The following EFHB variants were observed in gnomAD, a reference collection of about 807,000 sequenced individuals.
EFHB encodes EF-hand domain family member B.
In EFHB, 91 loss-of-function variants were observed where a neutral mutation model predicts 87.2. The ratio of observed to expected loss-of-function variants is 1.04; its 90% confidence interval spans 0.88 to 1.24. The LOEUF (loss-of-function observed/expected upper bound fraction) is 1.24, where lower values mean the gene tolerates loss of function less well. Among genes scored for constraint, EFHB ranks in the 50% most tolerant of loss-of-function variants. The pLI, the probability that EFHB is intolerant of heterozygous loss-of-function variation, is 0.00. For missense variants in EFHB, 1,084 were observed against 998.8 expected, an observed-to-expected ratio of 1.09 and a Z score of -1.15; for synonymous variants, 325 against 333.6, an observed-to-expected ratio of 0.97 and a Z score of 0.28.
chr3:19,916,916 A>C (rs147053840), intron 4 of EFHB, among the ~76,000 whole-genome samples: 2 of 152,334 alleles, frequency 1.3e-5, no homozygotes, highest in Non-Finnish European at 2.9e-5. Context: ...TTGATATATG[A>C]ACATTACACT....
intron 1 of EFHB, among the ~76,000 whole-genome samples, chr3:19,931,638 C>T (rs2125165856): frequency 6.6e-6 from 1 of 152,340 alleles, no homozygotes; most frequent in African/African-American, 2.4e-5. Context: ...TGTGGAATCT[C>T]TTACTCACAT....
At chr3:19,920,461 A>G (rs1449757486) in intron 2 of EFHB, 44 bp downstream of exon 2, 2 of 1,492,478 alleles carry the variant, frequency 1.3e-6, no homozygotes, top group East Asian at 2.4e-5. Context: ...ATGTTCACAT[A>G]GAAGGTAAAA....
intron 6 of EFHB, among the ~76,000 whole-genome samples, chr3:19,900,250 C>T (rs1694626894): frequency 6.7e-6 from 1 of 149,920 alleles, no homozygotes; most frequent in Non-Finnish European, 1.5e-5. Context: ...CCCATCTCTA[C>T]AAAAAATGAA....
chr3:19,898,919 T>C (rs1478149166), intron 7 of EFHB, 74 bp from the exon 8 acceptor site: 3 of 1,485,780 alleles, frequency 2.0e-6, no homozygotes, highest in Non-Finnish European at 2.8e-6. Context: ...ATGTTTGCCA[T>C]ATGTTCTTAG....
chr3:19,933,201 G>T (rs1367613369), intron 1 of EFHB, 29 bp downstream of exon 1: 15 of 1,591,152 alleles, frequency 9.4e-6, no homozygotes, highest in South Asian at 6.8e-5. Flanking sequence ...ACACAGTTTA[G>T]TTCCTATGGA....
At chr3:19,929,653 G>A (rs1163482130) in intron 1 of EFHB, among the ~76,000 whole-genome samples, 7 of 143,592 alleles carry the variant, frequency 4.9e-5, no homozygotes, top group East Asian at 2.0e-4. Context: ...AGATTGCAGC[G>A]AGCCGAGATG....
intron 6 of EFHB, among the ~76,000 whole-genome samples, chr3:19,904,367 C>CT (rs1415791118): frequency 2.0e-5 from 3 of 152,040 alleles, no homozygotes; most frequent in Non-Finnish European, 4.4e-5. Context: ...TCATTTCTTG[C>CT]TTTTTTTGTT....
At chr3:19,936,002 C>A (rs546782027), upstream of EFHB, 19 of 838,300 alleles carry the variant, frequency 2.3e-5, 1 homozygote, top group Non-Finnish European at 2.6e-5. Flanking sequence ...GAGTGAGACT[C>A]CATCTCAAAA....
Position 19,933,723 on chromosome 3 carries a change from C to A in EFHB, c.296G>T (p.Gly99Val), listed in dbSNP as rs17795400. ...LGVDSVSASQGTKPSLLPGRM... is the reference protein window; with the variant it reads ...LGVDSVSASQVTKPSLLPGRM... ...TCCTGGCAACAGAGAAGGTTTTGTTCCCTGTGAAGCTGAGACACTGTCGAC... is the reference window on the plus strand; with the variant it reads ...TCCTGGCAACAGAGAAGGTTTTGTTACCTGTGAAGCTGAGACACTGTCGAC... The change falls in exon 1 of 13, where the codon GGA (glycine) becomes GTA (valine). Residue 99 changes from glycine (G) to valine (V), a missense_variant. Transcript: ENST00000295824. 0.25 allele frequency: 401,164 copies of A among 1,613,710 alleles called. 51,712 individuals are homozygous for A. Among genetic ancestry groups the A allele is most frequent in the Middle Eastern group, 0.32 (1,920 of 6,062 alleles).
intron 6 of EFHB, among the ~76,000 whole-genome samples, chr3:19,902,334 T>C (rs894227057): frequency 1.3e-5 from 2 of 151,500 alleles, no homozygotes; most frequent in South Asian, 4.2e-4. Flanking sequence ...TAGATAGAGA[T>C]CGTTTTTGTT....
chr3:19,919,068 A>G (rs1233568372), intron 3 of EFHB, among the ~76,000 whole-genome samples: 1 of 152,082 alleles, frequency 6.6e-6, no homozygotes, highest in East Asian at 1.9e-4. Flanking sequence ...TATAGAGATC[A>G]GGTCTTCTGA....
chr3:19,939,543 C>A (rs1448274169), intron 1 of EFHB, among the ~76,000 whole-genome samples: 1 of 147,100 alleles, frequency 6.8e-6, no homozygotes, highest in Non-Finnish European at 1.5e-5. Context: ...CGCCACCACA[C>A]CCGGCTAATT....
intron 9 of EFHB, 37 bp from the exon 10 acceptor site, chr3:19,888,688 T>C (rs1694195843): frequency 4.5e-6 from 7 of 1,542,338 alleles, no homozygotes; most frequent in Non-Finnish European, 6.2e-6. Flanking sequence ...AAAATGGGAG[T>C]TGTCTTCAAG....
In EFHB at chr3:19,916,472, G is replaced by A. The variant is rs759771929; in HGVS notation, c.1178-1059C>T. ...AGAGGTTGCAGGGAGCCAAGATCAC[G>A]ACACTGCACTCCAGCCTGGGCAACA... On this transcript the variant is annotated intron_variant, in intron 4 of 12. Coordinates refer to ENST00000295824, the MANE Select transcript of EFHB (RefSeq NM_144715.4). Among the ~76,000 whole-genome samples the A allele has an allele frequency of 1.3e-4, 20 of 151,160 alleles. 1 individual carries two copies. The South Asian group carries it at 1.7e-3, about 13-fold the overall frequency.
intron 5 of EFHB, among the ~76,000 whole-genome samples, chr3:19,909,107 G>A (rs1287593688): frequency 6.9e-6 from 1 of 145,332 alleles, no homozygotes; most frequent in Non-Finnish European, 1.5e-5. Flanking sequence ...AAAATCAGGT[G>A]GGCAACTCAT....
rs1300250862 is a variant in EFHB at position 19,918,353 on chromosome 3, T to C, written c.1056A>G (p.Lys352=). 6.2e-7 allele frequency: 1 copy of C among 1,611,892 alleles called. No homozygotes were observed. The highest frequency in any genetic ancestry group is 1.7e-5 in the Admixed American group (1 of 59,704). The change falls in exon 4 of 13, where the codon AAA becomes AAG. Residue 352 remains lysine, a synonymous_variant. Transcript: ENST00000295824. Reference sequence around the variant, plus strand: ...GATTGCTAAGATATATAGATTCTTTTTTATCTTTAATTTTCTGTTGAAATG... The same window carrying C: ...GATTGCTAAGATATATAGATTCTTTCTTATCTTTAATTTTCTGTTGAAATG... The part of the protein sequence containing the change: ...ITTFQQKIKD[K]KESIYLSNRR...
At position 19,918,325 on chromosome 3, in the gene EFHB, G is replaced by C. The variant is rs1238909937; in HGVS notation, c.1084C>G (p.Arg362Gly). 6.2e-7 allele frequency: 1 copy of C among 1,612,966 alleles called. No homozygotes were observed. The highest frequency in any genetic ancestry group is 1.1e-5 in the South Asian group (1 of 90,936). The change falls in exon 4 of 13, where the codon CGA (arginine) becomes GGA (glycine). Residue 362 changes from arginine to glycine, a missense_variant. Coordinates refer to ENST00000295824, the MANE Select transcript of EFHB (RefSeq NM_144715.4). The stretch of plus-strand genomic sequence containing the variant: ...TCGTGAGATTTTCCTAATGGTGCTC[G>C]TCGATTGCTAAGATATATAGATTCT... ...KKESIYLSNRRAPLGKSHDQA... is the reference protein window; with the variant it reads ...KKESIYLSNRGAPLGKSHDQA...
At chr3:19,884,250 G>T in intron 11 of EFHB, 153 bp downstream of exon 11, 1 of 653,640 alleles carries the variant, frequency 1.5e-6, no homozygotes. Context: ...TTTATATGTG[G>T]GCCTCTCCTC....
Position 19,884,027 on chromosome 3 carries a change from A to G in EFHB, c.2146+376T>C, listed in dbSNP as rs183015573. Among the ~76,000 whole-genome samples the G allele has an allele frequency of 2.4e-3, 360 of 152,324 alleles. 3 individuals carry two copies. Among genetic ancestry groups the G allele is most frequent in the African/African-American group, 7.2e-3 (299 of 41,570 alleles). On this transcript the variant is annotated intron_variant, in intron 11 of 12. Coordinates refer to ENST00000295824, the MANE Select transcript of EFHB (RefSeq NM_144715.4). The stretch of plus-strand genomic sequence containing the variant: ...ACATGGGGAATGAATATGCAGAGAA[A>G]TGTTATGTAAAAGCTCTTTAAATAT...
Sources: gnomAD v4.1 joint callset for allele counts (sites outside exome capture counted in the v4.1 genomes callset) on GRCh38, gnomAD v4.1.1 for gene constraint, MANE v1.5 for transcripts, NCBI Gene and HGNC (gene_info 2026-07-23, HGNC 2026-07-21) for gene names.